Variants in MYO9B observed in about 807,000 individuals in gnomAD.
MYO9B encodes the protein unconventional myosin-IXb.
Under a neutral mutation model 229.5 loss-of-function variants are expected in MYO9B, and 71 were observed. That is an observed-to-expected ratio of 0.31 (90% CI 0.26 to 0.38). MYO9B has a LOEUF of 0.38. Ranked by LOEUF, MYO9B falls within the 10% of genes least tolerant of loss-of-function variation. The pLI, the probability that MYO9B is intolerant of heterozygous loss-of-function variation, is 1.00. For synonymous variants in MYO9B, 1,185 were observed against 1,235.8 expected (o/e 0.96, Z 0.86); for missense variants, 2,255 against 2,920.5 (o/e 0.77, Z 5.25).
Position 17,159,388 on chromosome 19 carries a change from C to T in MYO9B, c.1330-7C>T, listed in dbSNP as rs557891361. The T allele has an allele frequency of 1.3e-6, 2 of 1,599,204 alleles. No individual in the cohort carries two copies. Among genetic ancestry groups the T allele is most frequent in the Non-Finnish European group, 1.7e-6 (2 of 1,172,848 alleles). ...TTTCCTTCTCCCTCTCCTTGACCTC[C>T]AAACAGGTGAAGCGAGAAATCTTGG... On this transcript the variant is annotated splice_polypyrimidine_tract_variant and splice_region_variant and intron_variant, in intron 7 of 39. Coordinates refer to ENST00000682292, the MANE Select transcript of MYO9B (RefSeq NM_004145.4).
At chr19:17,206,587 T>C in intron 33 of MYO9B, 92 bp from the exon 34 acceptor site, 1 of 1,320,282 alleles carries the variant, frequency 7.6e-7, no homozygotes, top group Non-Finnish European at 1.1e-6. Flanking sequence ...ACAGGGTGGA[T>C]GGCACCTGTG....
intron 3 of MYO9B, among the ~76,000 whole-genome samples, chr19:17,149,711 C>T (rs2072456026): frequency 6.6e-6 from 1 of 152,320 alleles, no homozygotes; most frequent in South Asian, 2.1e-4. Context: ...CCAAGCCTCC[C>T]CACCCAGTTC....
intron 1 of MYO9B, among the ~76,000 whole-genome samples, chr19:17,098,023 G>A (rs1050346109): frequency 1.3e-5 from 2 of 149,012 alleles, no homozygotes; most frequent in East Asian, 2.0e-4. Context: ...CCTCGTGAAC[G>A]AACTCCTCTT....
chr19:17,104,529 A>G (rs2057775174), intron 2 of MYO9B, among the ~76,000 whole-genome samples: 1 of 152,186 alleles, frequency 6.6e-6, no homozygotes, highest in Non-Finnish European at 1.5e-5. Flanking sequence ...GGTGAGGGCC[A>G]GGGGCAGCGT....
chr19:17,191,140 A>G lies in MYO9B; in HGVS notation c.2732A>G (p.Gln911Arg). Residue 911 changes from glutamine to arginine, a missense_variant, in exon 20 of 40, where the codon CAG becomes CGG. Gln to Arg is a conservative substitution (Grantham distance 43, BLOSUM62 1). This residue lies in a region of MYO9B where 679 missense variants were observed against 770.2 expected (regional missense o/e 0.88). Coordinates refer to ENST00000682292, the MANE Select transcript of MYO9B (RefSeq NM_004145.4). ...CAGGTGCTCCTGCCCAAGGATGCCC[A>G]GCCCTGCAGGGAGGTCATCTCCACC... ...QFQVLLPKDA[Q>R]PCREVISTLL... 6.2e-7 allele frequency: 1 copy of G among 1,612,798 alleles called. No individual in the cohort carries two copies.
intron 2 of MYO9B, among the ~76,000 whole-genome samples, chr19:17,119,732 G>C (rs2057943240): frequency 6.6e-6 from 1 of 152,110 alleles, no homozygotes; most frequent in Non-Finnish European, 1.5e-5. Context: ...GCTCACTGCA[G>C]GCTCCGCCTC....
chr19:17,181,219 T>G (rs1161251401), intron 15 of MYO9B, among the ~76,000 whole-genome samples, 179 bp downstream of exon 15: 2 of 152,232 alleles, frequency 1.3e-5, no homozygotes, highest in Non-Finnish European at 2.9e-5. Context: ...GGCCTCTGTC[T>G]GCACTGTGGC....
In MYO9B at chr19:17,212,049, G is replaced by C; in HGVS notation, c.6213G>C (p.Lys2071Asn). Reference protein sequence around the residue: ...RTPIMPTANIKLPPGLPSHLP... With the variant: ...RTPIMPTANINLPPGLPSHLP... ...CCATCATGCCCACGGCCAACATCAAGCTCCCACCAGGCCTGCCCTCCCACC... is the reference window on the plus strand; with the variant it reads ...CCATCATGCCCACGGCCAACATCAACCTCCCACCAGGCCTGCCCTCCCACC... Residue 2071 changes from lysine (K) to asparagine (N), a missense_variant, in exon 40 of 40, where the codon AAG (lysine) becomes AAC (asparagine). Coordinates refer to ENST00000682292, the MANE Select transcript of MYO9B (RefSeq NM_004145.4). This position sits in a 1 kb window ranked among gnomAD's most constrained non-coding sequence, Gnocchi z 5.4. The C allele has an allele frequency of 6.2e-7, 1 of 1,606,692 alleles. No homozygotes were observed. The highest frequency in any genetic ancestry group is 8.5e-7 in the Non-Finnish European group (1 of 1,177,598).
chr19:17,130,391 C>T (rs1330167987), intron 2 of MYO9B, among the ~76,000 whole-genome samples: 12 of 151,958 alleles, frequency 7.9e-5, no homozygotes, highest in African/African-American at 1.9e-4. Flanking sequence ...CCGAGGCAGG[C>T]GGATCACGAG....
intron 10 of MYO9B, among the ~76,000 whole-genome samples, chr19:17,165,542 C>T (rs79820327): frequency 0.026 from 3,967 of 151,788 alleles, 181 homozygotes; most frequent in African/African-American, 0.092. Flanking sequence ...AACACTGTAC[C>T]CCATCCTGGG....
intron 11 of MYO9B, among the ~76,000 whole-genome samples, chr19:17,170,955 C>G (rs1338229895): frequency 6.6e-6 from 1 of 151,932 alleles, no homozygotes; most frequent in Non-Finnish European, 1.5e-5. Context: ...GCTCGAGTCT[C>G]TTTAAAATCT....
chr19:17,187,951 A>T lies in MYO9B; in HGVS notation c.2594A>T (p.Asp865Val). 1 of 1,590,284 alleles carries T rather than the reference A, an allele frequency of 6.3e-7. No individual in the cohort carries two copies. Among genetic ancestry groups the T allele is most frequent in the Non-Finnish European group, 8.6e-7 (1 of 1,168,516 alleles). ...SNAEKKELCFDDELVLQQLRY... is the reference protein window; with the variant it reads ...SNAEKKELCFVDELVLQQLRY... ...CCATTTCAGAAAGAGCTGTGCTTTG[A>T]CGACGAGCTGGTCCTGCAGCAGCTG... Residue 865 changes from aspartate (D) to valine (V), a missense_variant, in exon 19 of 40, where the codon GAC (aspartate) becomes GTC (valine). Asp to Val is a radical substitution (Grantham distance 152). Around this residue, in one of 7 missense-constraint regions of MYO9B, gnomAD observed 68 missense variants for 133.5 expected, o/e 0.51. Coordinates refer to ENST00000682292, the MANE Select transcript of MYO9B (RefSeq NM_004145.4).
intron 8 of MYO9B, among the ~76,000 whole-genome samples, chr19:17,160,209 C>T (rs986031692): frequency 6.6e-6 from 1 of 152,178 alleles, no homozygotes; most frequent in Non-Finnish European, 1.5e-5. Context: ...GCATTTCAAA[C>T]AGGCACCGGG....
In MYO9B at chr19:17,206,739, A is replaced by G. The variant is rs201528246; in HGVS notation, c.5447A>G (p.Glu1816Gly). Residue 1816 changes from glutamate to glycine, a missense_variant, in exon 34 of 40, where the codon GAA (glutamate) becomes GGA (glycine). Around this residue, in one of 7 missense-constraint regions of MYO9B, gnomAD observed 416 missense variants for 605.5 expected, o/e 0.69. Coordinates refer to ENST00000682292, the MANE Select transcript of MYO9B (RefSeq NM_004145.4). ...TATGCCGTCCTGGAGCACCTTCCAGAAGCCAACCACAACTCCCTGGAGAGA... is the reference window on the plus strand; with the variant it reads ...TATGCCGTCCTGGAGCACCTTCCAGGAGCCAACCACAACTCCCTGGAGAGA... ...AIYAVLEHLP[E>G]ANHNSLERLI... The G allele has an allele frequency of 1.4e-4, 221 of 1,592,436 alleles. No individual in the cohort carries two copies. Among genetic ancestry groups the G allele is most frequent in the Non-Finnish European group, 1.5e-4 (180 of 1,170,318 alleles).
rs2057740119 is a variant in MYO9B, at chr19:17,101,046, G to C, written c.-58-614G>C. Among the ~76,000 whole-genome samples, 1 of 150,938 alleles carries C rather than the reference G, an allele frequency of 6.6e-6. No individual in the cohort carries two copies. Among genetic ancestry groups the C allele is most frequent in the African/African-American group, 2.4e-5 (1 of 41,048 alleles). The stretch of plus-strand genomic sequence containing the variant: ...TGGGCTGGGAAGGGCATAGCAGAAA[G>C]AGGGTCATGGCTTGTTGGGCTTCAG... On this transcript the variant is annotated intron_variant, in intron 1 of 39. Transcript: ENST00000682292. This position sits in a 1 kb window ranked among gnomAD's most constrained non-coding sequence, Gnocchi z 4.7.
chr19:17,126,985 A>G (rs2072128666), intron 2 of MYO9B, among the ~76,000 whole-genome samples: 2 of 115,156 alleles, frequency 1.7e-5, no homozygotes, highest in Non-Finnish European at 3.4e-5. Flanking sequence ...CACCCACCCG[A>G]TCTTTTGACA....
intron 11 of MYO9B, among the ~76,000 whole-genome samples, chr19:17,171,583 C>T (rs2072725264): frequency 6.6e-6 from 1 of 152,188 alleles, no homozygotes; most frequent in Non-Finnish European, 1.5e-5. Flanking sequence ...TCTCTCCAAG[C>T]CCCCTAGAAA....
intron 2 of MYO9B, among the ~76,000 whole-genome samples, chr19:17,132,611 C>T (rs2072215062): frequency 6.8e-6 from 1 of 147,756 alleles, no homozygotes; most frequent in Non-Finnish European, 1.5e-5. Context: ...TCACTGCAAG[C>T]TCCACCTCCC....
intron 2 of MYO9B, among the ~76,000 whole-genome samples, chr19:17,111,495 T>C (rs1568667316): frequency 6.6e-6 from 1 of 152,210 alleles, no homozygotes; most frequent in Admixed American, 6.5e-5. Context: ...AATTAAATTA[T>C]ATCTGCAGCC....
Sources: allele counts gnomAD v4.1 joint callset (sites outside exome capture counted in the v4.1 genomes callset), GRCh38; gene constraint gnomAD v4.1.1; regional missense constraint gnomAD v4.1.1; non-coding constraint Gnocchi (gnomAD v3.1); transcripts MANE v1.5; gene names NCBI Gene and HGNC (gene_info 2026-07-23, HGNC 2026-07-21).